SNAPC4: variants seen among roughly 807,000 people sequenced by gnomAD.
SNAPC4 encodes small nuclear RNA activating complex polypeptide 4, also known as snRNA-activating protein complex subunit 4.
SNAPC4 carries 127 observed loss-of-function variants against 151.3 expected under a neutral mutation model. That is an observed-to-expected ratio of 0.84 (90% CI 0.73 to 0.97). SNAPC4 has a LOEUF of 0.97. Among genes scored for constraint, SNAPC4 ranks in the 50% least tolerant of loss-of-function variants. SNAPC4 has a pLI of 0.00. For synonymous variants in SNAPC4, 1,002 were observed against 824.4 expected, an observed-to-expected ratio of 1.22 and a Z score of -3.69; for missense variants, 2,186 against 1,935.0, an observed-to-expected ratio of 1.13 and a Z score of -2.43.
At chr9:136,391,891 C>T in intron 10 of SNAPC4, 51 bp downstream of exon 10, 1 of 1,569,104 alleles carries the variant, frequency 6.4e-7, no homozygotes, top group Non-Finnish European at 8.6e-7. Flanking sequence ...CGCTATAGGG[C>T]CCACACGCCC....
intron 10 of SNAPC4, among the ~76,000 whole-genome samples, chr9:136,388,968 T>A (rs1261972591): frequency 6.6e-6 from 1 of 152,238 alleles, no homozygotes; most frequent in Non-Finnish European, 1.5e-5. Context: ...GCTCTCTAAA[T>A]GCAGTTGCTA....
In SNAPC4 at chr9:136,383,154, C is replaced by A. The variant is rs747543139; in HGVS notation, c.1983+32G>T. On this transcript the variant is annotated intron_variant, in intron 16 of 23. Coordinates refer to ENST00000684778, the MANE Select transcript of SNAPC4 (RefSeq NM_003086.4). This position sits in a 1 kb window ranked among gnomAD's most constrained non-coding sequence, Gnocchi z 4.2. The stretch of plus-strand genomic sequence containing the variant: ...CTGGCGAGCGAGTGCCGAAAGTGCA[C>A]TTCCCGTGGTACACCCAGGGCCGGG... 1.3e-4 allele frequency: 199 copies of A among 1,511,802 alleles called. No individual in the cohort carries two copies. The highest frequency in any genetic ancestry group is 1.6e-4 in the Non-Finnish European group (186 of 1,131,636). 93.6% of individuals were successfully genotyped at this position (1,511,802 alleles called of 1,614,324 possible).
chr9:136,399,946 G>A (rs1177383029), intron 1 of SNAPC4, among the ~76,000 whole-genome samples, 188 bp downstream of exon 1: 1 of 152,112 alleles, frequency 6.6e-6, no homozygotes, highest in Non-Finnish European at 1.5e-5. Flanking sequence ...CCCAGGGCCA[G>A]AATCCCCGCG....
Position 136,383,116 on chromosome 9 carries a change from C to G in SNAPC4, c.1983+70G>C, listed in dbSNP as rs953653721. The G allele has an allele frequency of 2.0e-5, 30 of 1,493,654 alleles. No homozygotes were observed. The Admixed American group carries it at 3.1e-4, about 15-fold the overall frequency. The allele number at this position is 1,493,654 out of a possible 1,614,324, so 92.5% of individuals were successfully genotyped here. ...TGGGGCCCCTGCTGCTGCACTATCC[C>G]CAAGCGTCAGCCCTGGCGAGCGAGT... is the stretch of plus-strand genomic sequence containing the variant. On this transcript the variant is annotated intron_variant, in intron 16 of 23. Transcript: ENST00000684778. The surrounding 1 kb of genome is among the most constrained non-coding windows in gnomAD (Gnocchi z 4.2).
chr9:136,377,683 C>T lies in SNAPC4; in HGVS notation c.4144G>A (p.Ala1382Thr). Residue 1382 changes from alanine to threonine, a missense_variant, in exon 22 of 24, where the codon GCC (alanine) becomes ACC (threonine). Transcript: ENST00000684778. ...FTLPALLATL[A>T]PQGVRTTLSV... is the part of the protein sequence containing the mutation. ...AGGGTGGTGCGGACGCCTTGGGGGG[C>T]CAGGGTGGCCAGGAGCGCAGGGAGG... is the stretch of plus-strand genomic sequence containing the variant. The T allele has an allele frequency of 1.2e-6, 2 of 1,607,710 alleles. No individual in the cohort carries two copies. The highest frequency in any genetic ancestry group is 1.7e-6 in the Non-Finnish European group (2 of 1,176,730).
intron 16 of SNAPC4, 55 bp from the exon 17 acceptor site, chr9:136,382,391 G>A: frequency 6.8e-7 from 1 of 1,475,452 alleles, no homozygotes; most frequent in Admixed American, 1.7e-5. Context: ...ACACATGGGG[G>A]CCCTCCCCTC....
At chr9:136,390,507 A>C (rs923697450) in intron 10 of SNAPC4, among the ~76,000 whole-genome samples, 1 of 132,662 alleles carries the variant, frequency 7.5e-6, no homozygotes, top group East Asian at 2.6e-4. Flanking sequence ...GTGAGCTGAG[A>C]TCGTGCCACT....
At chr9:136,390,507 A>G (rs923697450) in intron 10 of SNAPC4, among the ~76,000 whole-genome samples, 2 of 132,662 alleles carry the variant, frequency 1.5e-5, no homozygotes, top group African/African-American at 5.7e-5. Context: ...GTGAGCTGAG[A>G]TCGTGCCACT....
At chr9:136,388,254 T>G (rs1019183740) in intron 11 of SNAPC4, among the ~76,000 whole-genome samples, 190 bp downstream of exon 11, 4 of 122,148 alleles carry the variant, frequency 3.3e-5, no homozygotes, top group Non-Finnish European at 5.0e-5. Flanking sequence ...GCAACAAGAG[T>G]GAAACTCCAT....
At chr9:136,381,481 C>T (rs916086042) in intron 18 of SNAPC4, 89 bp from the exon 19 acceptor site, 52 of 1,236,004 alleles carry the variant, frequency 4.2e-5, no homozygotes, top group Non-Finnish European at 5.8e-5. Flanking sequence ...TCCCACGTGC[C>T]TTTCGAGGCG....
rs185299858 is a variant in SNAPC4, at chr9:136,388,436, G to C, written c.1123+8C>G. The C allele has an allele frequency of 3.1e-6, 5 of 1,611,466 alleles. No homozygotes were observed. In the Admixed American group the frequency reaches 8.3e-5, roughly 27 times the overall value. On this transcript the variant is annotated splice_region_variant and intron_variant, in intron 11 of 23. Transcript: ENST00000684778. ...AGCCTGAGAGCCGTCGGGGTGGAGGGGCCTCACTTCTGCGGTAGGGGATGT... is the reference window on the plus strand; with the variant it reads ...AGCCTGAGAGCCGTCGGGGTGGAGGCGCCTCACTTCTGCGGTAGGGGATGT...
chr9:136,390,470 G>A (rs1834028991), intron 10 of SNAPC4, among the ~76,000 whole-genome samples: 1 of 150,704 alleles, frequency 6.6e-6, no homozygotes, highest in Non-Finnish European at 1.5e-5. Flanking sequence ...CAGGAGAATG[G>A]CGTGAACCCG....
intron 19 of SNAPC4, 49 bp downstream of exon 19, chr9:136,381,273 A>T: frequency 6.7e-7 from 1 of 1,497,504 alleles, no homozygotes. Context: ...ACTTCACCAA[A>T]AACTTTTTAC....
At position 136,388,650 on chromosome 9, in the gene SNAPC4, G is replaced by C; in HGVS notation, c.976-59C>G. The C allele has an allele frequency of 3.1e-6, 5 of 1,603,512 alleles. No homozygotes were observed. In the South Asian group the frequency reaches 5.5e-5, roughly 18 times the overall value. On this transcript the variant is annotated intron_variant, in intron 10 of 23. Coordinates refer to ENST00000684778, the MANE Select transcript of SNAPC4 (RefSeq NM_003086.4). ...ACTGCGCGGCAGGATGTCCAGATCT[G>C]GCTCTGAGTGCCCCAGGGCACAGGT...
intron 10 of SNAPC4, 118 bp from the exon 11 acceptor site, chr9:136,388,709 G>T: frequency 8.5e-7 from 1 of 1,183,428 alleles, no homozygotes; most frequent in Non-Finnish European, 1.2e-6. Context: ...CCCTTCTGCA[G>T]ACCCCAGCTC....
intron 14 of SNAPC4, 33 bp downstream of exon 14, chr9:136,384,687 A>G (rs1216965969): frequency 1.8e-6 from 2 of 1,116,128 alleles, no homozygotes; most frequent in Non-Finnish European, 2.6e-6. Context: ...AACAAAAAAA[A>G]GAAACTAGAA....
intron 9 of SNAPC4, 43 bp downstream of exon 9, chr9:136,392,479 T>C (rs773948981): frequency 8.3e-6 from 13 of 1,574,288 alleles, no homozygotes; most frequent in South Asian, 1.1e-5. Flanking sequence ...TACAGGGAGC[T>C]GTGCTCCAAG....
intron 3 of SNAPC4, among the ~76,000 whole-genome samples, chr9:136,396,395 C>T (rs1217534823): frequency 6.6e-6 from 1 of 152,204 alleles, no homozygotes; most frequent in Non-Finnish European, 1.5e-5. Flanking sequence ...AGAGCAGTTG[C>T]CAGGTGCTGT....
At chr9:136,394,729 A>C in intron 6 of SNAPC4, 71 bp downstream of exon 6, 1 of 1,382,092 alleles carries the variant, frequency 7.2e-7, no homozygotes, top group Non-Finnish European at 1.0e-6. Context: ...TTGGGGAGAA[A>C]CTGGGGAAAG....
Sources: gnomAD v4.1 joint callset for allele counts (sites outside exome capture counted in the v4.1 genomes callset) on GRCh38, gnomAD v4.1.1 for gene constraint, Gnocchi (gnomAD v3.1) non-coding constraint, MANE v1.5 for transcripts, NCBI Gene and HGNC (gene_info 2026-07-23, HGNC 2026-07-21) for gene names.